Variants in FOCAD observed in about 807,000 individuals in gnomAD.
FOCAD encodes the protein KIAA1797.
In FOCAD, 198 loss-of-function variants were observed where a neutral mutation model predicts 225.6. That is an observed-to-expected ratio of 0.88 (90% confidence interval 0.78 to 0.99). The LOEUF (loss-of-function observed/expected upper bound fraction) is 0.99. Ranked by LOEUF, FOCAD falls within the 50% of genes least tolerant of loss-of-function variation. FOCAD has a pLI of 0.00. For missense variants in FOCAD, 2,713 were observed against 2,123.6 expected (o/e 1.28, Z -5.46); for synonymous variants, 897 against 755.0 (o/e 1.19, Z -3.08).
At position 20,916,105 on chromosome 9, in the gene FOCAD, T is replaced by C. The variant is rs376323423; in HGVS notation, c.2808-788T>C. On this transcript the variant is annotated intron_variant, in intron 23 of 43. Coordinates refer to ENST00000338382, the MANE Select transcript of FOCAD (RefSeq NM_001375567.1). ...TTATTATATATCAAATGCAAATATT[T>C]ATGAATGTCAATATAATTTATATTT... is the stretch of plus-strand genomic sequence containing the variant. Among the ~76,000 whole-genome samples, 10 of 152,266 alleles carry C rather than the reference T, an allele frequency of 6.6e-5. No homozygotes were observed. In the South Asian group the frequency reaches 8.3e-4, roughly 13 times the overall value.
At chr9:20,758,789 A>G (rs1829301708) in intron 6 of FOCAD, among the ~76,000 whole-genome samples, 1 of 152,184 alleles carries the variant, frequency 6.6e-6, no homozygotes, top group South Asian at 2.1e-4. Context: ...GGAGAAGGAA[A>G]TAAAGGGTAT....
In FOCAD at chr9:20,910,831, C is replaced by T. The variant is rs995762620; in HGVS notation, c.2719-2035C>T. On this transcript the variant is annotated intron_variant, in intron 22 of 43. Transcript: ENST00000338382. ...GGGTGGCAGGGATTAATAAGGGAGACATTCCAGAAAAGAGGATAGAAAAGA... is the reference window on the plus strand; with the variant it reads ...GGGTGGCAGGGATTAATAAGGGAGATATTCCAGAAAAGAGGATAGAAAAGA... Among the ~76,000 whole-genome samples, 8 of 152,106 alleles carry T rather than the reference C, an allele frequency of 5.3e-5. 1 individual carries two copies. Among genetic ancestry groups the T allele is most frequent in the Non-Finnish European group, 1.0e-4 (7 of 67,972 alleles).
At chr9:20,893,875 G>A (rs750644470) in intron 21 of FOCAD, among the ~76,000 whole-genome samples, 1 of 151,944 alleles carries the variant, frequency 6.6e-6, no homozygotes, top group African/African-American at 2.4e-5. Context: ...ACACATTCTT[G>A]TTACCCAAAG....
chr9:20,878,808 G>C (rs1830439153), intron 19 of FOCAD, among the ~76,000 whole-genome samples: 1 of 152,152 alleles, frequency 6.6e-6, no homozygotes, highest in Non-Finnish European at 1.5e-5. Context: ...TTCAGAACCT[G>C]GGAAGTGGGT....
At position 20,835,288 on chromosome 9, in the gene FOCAD, T is replaced by C. The variant is rs146929518; in HGVS notation, c.1920+12173T>C. Reference sequence around the variant, plus strand: ...TAATAATCTTGTAATGTAGGTGATATTTACTAATGGGTTTAGAAAGTCTAA... The same window carrying C: ...TAATAATCTTGTAATGTAGGTGATACTTACTAATGGGTTTAGAAAGTCTAA... On this transcript the variant is annotated intron_variant, in intron 15 of 43. Coordinates refer to ENST00000338382, the MANE Select transcript of FOCAD (RefSeq NM_001375567.1). Among the ~76,000 whole-genome samples, 445 of 152,206 alleles carry C rather than the reference T, an allele frequency of 2.9e-3. 2 individuals carry two copies. Among genetic ancestry groups the C allele is most frequent in the African/African-American group, 0.01 (418 of 41,546 alleles).
At chr9:20,745,918 G>A (rs1179918264) in intron 5 of FOCAD, among the ~76,000 whole-genome samples, 1 of 152,154 alleles carries the variant, frequency 6.6e-6, no homozygotes, top group East Asian at 1.9e-4. Context: ...GTTTGTATTT[G>A]TTCATCTATT....
At chr9:20,853,004 C>T (rs929094107) in intron 15 of FOCAD, among the ~76,000 whole-genome samples, 1 of 151,594 alleles carries the variant, frequency 6.6e-6, no homozygotes, top group Non-Finnish European at 1.5e-5. Flanking sequence ...AAAAAATTTC[C>T]TCTGATTATT....
intron 8 of FOCAD, among the ~76,000 whole-genome samples, chr9:20,777,232 T>G (rs904875380): frequency 1.3e-5 from 2 of 151,990 alleles, no homozygotes; most frequent in Non-Finnish European, 2.9e-5. Context: ...TGTCAAATTA[T>G]ATTGTTTTCA....
intron 15 of FOCAD, among the ~76,000 whole-genome samples, chr9:20,825,685 C>T (rs1481188267): frequency 6.6e-6 from 1 of 151,820 alleles, no homozygotes; most frequent in Non-Finnish European, 1.5e-5. Context: ...CTTTTTTCAC[C>T]CTTAGGTTTG....
intron 11 of FOCAD, among the ~76,000 whole-genome samples, chr9:20,803,254 G>A (rs1822037816): frequency 1.3e-5 from 2 of 152,052 alleles, no homozygotes; most frequent in Non-Finnish European, 2.9e-5. Context: ...GGTTATGAGT[G>A]CCACCAGTGG....
chr9:20,775,694 A>T (rs190857087), intron 8 of FOCAD, among the ~76,000 whole-genome samples: 1 of 152,314 alleles, frequency 6.6e-6, no homozygotes, highest in Non-Finnish European at 1.5e-5. Flanking sequence ...TGGCATTCGT[A>T]GACCCAGCAT....
At chr9:20,907,300 G>T in intron 22 of FOCAD, 58 bp downstream of exon 22, 4 of 1,381,242 alleles carry the variant, frequency 2.9e-6, no homozygotes, top group Non-Finnish European at 4.1e-6. Context: ...CTCATGTTTT[G>T]CTACAAATGT....
chr9:20,988,517 AT>A (rs1841384790), intron 41 of FOCAD, 88 bp downstream of exon 41: 5 of 278,640 alleles, frequency 1.8e-5, no homozygotes, highest in South Asian at 4.8e-5. Flanking sequence ...TTTGCCATTA[AT>A]TGGCAAAAAC....
chr9:20,788,197 GAA>G (rs1820135018), intron 10 of FOCAD, among the ~76,000 whole-genome samples: 2 of 152,202 alleles, frequency 1.3e-5, no homozygotes, highest in African/African-American at 4.8e-5. Context: ...CATGCTAAGT[GAA>G]AGAAGCTGGT....
rs554118328 is a variant in FOCAD, at chr9:20,801,778, C to A, written c.1455+12170C>A. Among the ~76,000 whole-genome samples the A allele has an allele frequency of 6.8e-4, 104 of 152,208 alleles. 2 individuals are homozygous for A. The South Asian group carries it at 0.021, about 31-fold the overall frequency. Reference sequence around the variant, plus strand: ...TGTTGGGGTGTCAAAGAAAGGCAGTCACACACAGTCACAATTATGCTGCTA... The same window carrying A: ...TGTTGGGGTGTCAAAGAAAGGCAGTAACACACAGTCACAATTATGCTGCTA... On this transcript the variant is annotated intron_variant, in intron 11 of 43. Transcript: ENST00000338382.
chr9:20,749,728 C>T (rs1176461206), intron 5 of FOCAD, among the ~76,000 whole-genome samples: 2 of 152,138 alleles, frequency 1.3e-5, no homozygotes, highest in Non-Finnish European at 2.9e-5. Flanking sequence ...CTGTGTCTGT[C>T]GCTGAATTTA....
chr9:20,821,010 G>A lies in FOCAD; in HGVS notation c.1732G>A (p.Glu578Lys). Residue 578 changes from glutamate to lysine, a missense_variant, in exon 14 of 44, where the codon GAA becomes AAA. By Grantham distance (56) the Glu-to-Lys change is moderately conservative. Coordinates refer to ENST00000338382, the MANE Select transcript of FOCAD (RefSeq NM_001375567.1). ...SDVPSLSVGKEVQWEKLIAKA... is the reference protein window; with the variant it reads ...SDVPSLSVGKKVQWEKLIAKA... ...TGTACCTTCTCTTTCGGTGGGCAAG[G>A]AAGTCCAATGGGAGAAACTGATTGC... The A allele has an allele frequency of 6.2e-7, 1 of 1,612,768 alleles. No individual in the cohort carries two copies. Among genetic ancestry groups the A allele is most frequent in the Non-Finnish European group, 8.5e-7 (1 of 1,179,148 alleles).
At chr9:20,930,690 A>C (rs1247980353) in intron 27 of FOCAD, among the ~76,000 whole-genome samples, 2 of 152,176 alleles carry the variant, frequency 1.3e-5, no homozygotes, top group Non-Finnish European at 2.9e-5. Flanking sequence ...GCTCTTAGAA[A>C]CATCTGTCAG....
intron 11 of FOCAD, among the ~76,000 whole-genome samples, chr9:20,803,599 G>A (rs1483709249): frequency 6.6e-6 from 1 of 152,116 alleles, no homozygotes; most frequent in African/African-American, 2.4e-5. Context: ...AATCTCTTAT[G>A]ATAGGGCTGC....
Sources: allele counts gnomAD v4.1 joint callset (sites outside exome capture counted in the v4.1 genomes callset), GRCh38; gene constraint gnomAD v4.1.1; transcripts MANE v1.5; gene names NCBI Gene and HGNC (gene_info 2026-07-23, HGNC 2026-07-21).